The following LRP1B variants were observed in gnomAD, a reference collection of about 807,000 sequenced individuals.
The protein encoded by LRP1B is LDL receptor related protein 1B, also known as low-density lipoprotein receptor-related protein 1B.
A neutral mutation model predicts 556.6 loss-of-function variants in LRP1B; 217 were observed. The observed-to-expected ratio is 0.39, with a 90% CI of 0.35 to 0.44. LRP1B has a LOEUF of 0.44. LRP1B is among the 20% of genes least tolerant of loss of function. The probability of loss-of-function intolerance (pLI) is 1.00; values close to 1 mark genes in which losing one functional copy is unlikely to be tolerated. For missense variants in LRP1B, 5,053 were observed against 5,620.8 expected (o/e 0.90, Z 3.23); for synonymous variants, 2,047 against 1,865.8 (o/e 1.10, Z -2.50).
chr2:141,200,143 T>C (rs1408974344), intron 6 of LRP1B, among the ~76,000 whole-genome samples: 1 of 152,162 alleles, frequency 6.6e-6, no homozygotes, highest in Non-Finnish European at 1.5e-5. Flanking sequence ...ATTGCCGAAC[T>C]ATTCACAATA....
At chr2:142,126,648 A>G (rs1426692353) in intron 1 of LRP1B, among the ~76,000 whole-genome samples, 1 of 151,924 alleles carries the variant, frequency 6.6e-6, no homozygotes, top group African/African-American at 2.4e-5. Context: ...AGAGAAATCT[A>G]TCAGTATGTT....
intron 2 of LRP1B, among the ~76,000 whole-genome samples, chr2:141,581,309 C>A (rs1247003922): frequency 6.6e-6 from 1 of 152,134 alleles, no homozygotes; most frequent in African/African-American, 2.4e-5. Flanking sequence ...ACGATTTTGC[C>A]CTAGGTAATA....
chr2:140,459,913 C>G (rs2105327431), intron 60 of LRP1B, among the ~76,000 whole-genome samples: 1 of 152,266 alleles, frequency 6.6e-6, no homozygotes, highest in Admixed American at 6.5e-5. Flanking sequence ...TGTTTGCTTC[C>G]TTTTTGCCCT....
chr2:141,642,011 C>T (rs1689356302), intron 2 of LRP1B, among the ~76,000 whole-genome samples: 1 of 138,324 alleles, frequency 7.2e-6, no homozygotes, highest in Non-Finnish European at 1.6e-5. Context: ...AAACAAAACC[C>T]CCCCCCAAAA....
intron 41 of LRP1B, among the ~76,000 whole-genome samples, chr2:140,671,922 C>T (rs1469947159): frequency 6.6e-6 from 1 of 152,116 alleles, no homozygotes; most frequent in African/African-American, 2.4e-5. Context: ...ATATTCCATA[C>T]CAAGGTCCTC....
intron 3 of LRP1B, among the ~76,000 whole-genome samples, chr2:141,345,227 A>C (rs549241650): frequency 6.6e-6 from 1 of 151,880 alleles, no homozygotes; most frequent in African/African-American, 2.4e-5. Flanking sequence ...AAAGCAACAC[A>C]CCAATACTGC....
intron 41 of LRP1B, among the ~76,000 whole-genome samples, chr2:140,611,628 T>C (rs1034442469): frequency 6.6e-6 from 1 of 152,038 alleles, no homozygotes; most frequent in Non-Finnish European, 1.5e-5. Flanking sequence ...AAGAGATGAA[T>C]AGAAACATTT....
In LRP1B at chr2:141,022,091, T is replaced by C. The variant is rs12474699; in HGVS notation, c.1790-1989A>G. ...ACCAGTGACTAACTTTAACTAAAAA[T>C]AGTATATAAATAAATATATGTGATG... On this transcript the variant is annotated intron_variant, in intron 11 of 90. Coordinates refer to ENST00000389484, the MANE Select transcript of LRP1B (RefSeq NM_018557.3). 0.016 allele frequency among the ~76,000 whole-genome samples: 2,426 copies of C among 151,852 alleles called. 177 individuals carry two copies. In the East Asian group the frequency reaches 0.22, roughly 14 times the overall value.
At chr2:141,101,489 A>C (rs1700460369) in intron 7 of LRP1B, among the ~76,000 whole-genome samples, 1 of 152,118 alleles carries the variant, frequency 6.6e-6, no homozygotes, top group Admixed American at 6.5e-5. Flanking sequence ...TCTTCCTAAT[A>C]CATTAATAAG....
At chr2:141,023,008 G>GA (rs1220043177) in intron 11 of LRP1B, among the ~76,000 whole-genome samples, 4 of 150,294 alleles carry the variant, frequency 2.7e-5, no homozygotes, top group South Asian at 2.1e-4. Flanking sequence ...TACTTCTTAA[G>GA]AAAAAAAAAT....
At chr2:140,506,701 A>G (rs1689430627) in intron 53 of LRP1B, 95 bp downstream of exon 53, 2 of 1,307,062 alleles carry the variant, frequency 1.5e-6, no homozygotes, top group South Asian at 2.8e-5. Flanking sequence ...ACACTAAGAA[A>G]TGTGTTGCTT....
chr2:140,710,283 A>G (rs1408868160), intron 37 of LRP1B, among the ~76,000 whole-genome samples: 1 of 152,034 alleles, frequency 6.6e-6, no homozygotes, highest in East Asian at 1.9e-4. Context: ...ACAGATGGAA[A>G]TAGGTGATGA....
chr2:140,434,443 A>G (rs1686087244), intron 66 of LRP1B, among the ~76,000 whole-genome samples: 1 of 152,226 alleles, frequency 6.6e-6, no homozygotes, highest in Admixed American at 6.5e-5. Context: ...GGAATTAAAA[A>G]TAATTTCTCT....
intron 11 of LRP1B, among the ~76,000 whole-genome samples, chr2:141,042,148 A>G (rs1281097788): frequency 1.3e-5 from 2 of 152,076 alleles, no homozygotes; most frequent in Non-Finnish European, 1.5e-5. Flanking sequence ...CTTAGACTCT[A>G]TTTTCAAGGA....
chr2:141,517,019 A>C (rs1200344060), intron 2 of LRP1B, among the ~76,000 whole-genome samples: 2 of 132,412 alleles, frequency 1.5e-5, no homozygotes, highest in Non-Finnish European at 3.2e-5. Context: ...AAAAAAAAAA[A>C]AAAAAAAAAA....
chr2:141,888,024 A>G (rs1464018533), intron 1 of LRP1B, among the ~76,000 whole-genome samples: 3 of 152,184 alleles, frequency 2.0e-5, no homozygotes, highest in South Asian at 2.1e-4. Flanking sequence ...GATTTTATTA[A>G]TATCATAAAT....
At chr2:140,923,900 G>C (rs1694813007) in intron 20 of LRP1B, among the ~76,000 whole-genome samples, 1 of 151,988 alleles carries the variant, frequency 6.6e-6, no homozygotes. Context: ...TTGGGATACA[G>C]ATGTTTGGCA....
At chr2:140,457,316 C>T in intron 61 of LRP1B, 147 bp downstream of exon 61, 1 of 648,718 alleles carries the variant, frequency 1.5e-6, no homozygotes, top group African/African-American at 1.8e-5. Flanking sequence ...TTCATATTGA[C>T]TGAATTCTTC....
intron 2 of LRP1B, among the ~76,000 whole-genome samples, chr2:141,745,057 G>T (rs1014297571): frequency 6.6e-6 from 1 of 152,130 alleles, no homozygotes; most frequent in African/African-American, 2.4e-5. Context: ...CTCTTTGTCT[G>T]TGCTAAGCTG....
Sources: gnomAD v4.1 joint callset for allele counts (sites outside exome capture counted in the v4.1 genomes callset) on GRCh38, gnomAD v4.1.1 for gene constraint, MANE v1.5 for transcripts, NCBI Gene and HGNC (gene_info 2026-07-23, HGNC 2026-07-21) for gene names.